Variants in ISM1 observed in about 807,000 individuals in gnomAD.
The protein encoded by ISM1 is isthmin-1.
ISM1 carries 25 observed loss-of-function variants against 46.3 expected under a neutral mutation model. The ratio of observed to expected loss-of-function variants is 0.54; its 90% CI spans 0.39 to 0.75. ISM1 has a LOEUF of 0.75. Ranked by LOEUF, ISM1 falls within the 30% of genes least tolerant of loss-of-function variation. The pLI is 0.00. For synonymous variants in ISM1, 255 were observed against 256.7 expected (o/e 0.99, Z 0.06); for missense variants, 536 against 625.4 (o/e 0.86, Z 1.52).
chr20:13,232,182 T>C (rs78494142), intron 1 of ISM1, among the ~76,000 whole-genome samples: 3,012 of 152,264 alleles, frequency 0.02, 44 homozygotes, highest in Non-Finnish European at 0.022. Context: ...TGAAGTGCAA[T>C]TGACAACTAA....
intron 2 of ISM1, among the ~76,000 whole-genome samples, chr20:13,277,173 T>C (rs978833648): frequency 1.3e-5 from 2 of 152,280 alleles, no homozygotes; most frequent in South Asian, 2.1e-4. Context: ...CGGTAATAGC[T>C]TGAAACATGA....
At chr20:13,261,832 C>T (rs937237676) in intron 1 of ISM1, among the ~76,000 whole-genome samples, 1 of 152,192 alleles carries the variant, frequency 6.6e-6, no homozygotes, top group Non-Finnish European at 1.5e-5. Flanking sequence ...CTACCCCAGA[C>T]CTCAGCTTCT....
intron 3 of ISM1, among the ~76,000 whole-genome samples, chr20:13,286,639 C>A (rs576886121): frequency 6.6e-6 from 1 of 152,174 alleles, no homozygotes; most frequent in Non-Finnish European, 1.5e-5. Flanking sequence ...GAGGAGGACA[C>A]AACCATGAAA....
chr20:13,262,314 T>TAGA (rs1462507717), intron 1 of ISM1, among the ~76,000 whole-genome samples: 9 of 152,326 alleles, frequency 5.9e-5, no homozygotes, highest in Admixed American at 2.0e-4. Context: ...GGAAGGCTGA[T>TAGA]AGAAAGCCTT....
the ISM1 span, among the ~76,000 whole-genome samples, chr20:13,320,046 C>T: frequency 3.3e-5 from 5 of 152,174 alleles, no homozygotes; most frequent in Admixed American, 6.5e-5. Context: ...GACCCAACAC[C>T]CCAAAGTCAG....
intron 5 of ISM1, among the ~76,000 whole-genome samples, chr20:13,293,018 A>G (rs2040369323): frequency 6.6e-6 from 1 of 151,860 alleles, no homozygotes; most frequent in Non-Finnish European, 1.5e-5. Context: ...AACATGGTGA[A>G]ACCCCCCCGT....
intron 1 of ISM1, among the ~76,000 whole-genome samples, chr20:13,233,595 CAAAAAAAAAA>C (rs1183584907): frequency 1.6e-5 from 1 of 63,734 alleles, no homozygotes; most frequent in Non-Finnish European, 3.1e-5. Flanking sequence ...AACTCCATCT[CAAAAAAAAAA>C]AAAAAAAAAG....
chr20:13,321,869 G>A, the ISM1 span, among the ~76,000 whole-genome samples: 1 of 152,206 alleles, frequency 6.6e-6, no homozygotes, highest in Non-Finnish European at 1.5e-5. Context: ...GACTGCTCAG[G>A]TTTGACTCCC....
chr20:13,298,779 G>A lies in ISM1; in HGVS notation c.878-163G>A, dbSNP rs368477696. 3.3e-5 allele frequency among the ~76,000 whole-genome samples: 5 copies of A among 152,136 alleles called. No homozygotes were observed. The East Asian group carries it at 5.8e-4, about 18-fold the overall frequency. Reference sequence around the variant, plus strand: ...TTCTGATGGTGCCAGGGGGCTGCAGGGGTGTCTGGCTCTAGGACAGGAGTT... The same window carrying A: ...TTCTGATGGTGCCAGGGGGCTGCAGAGGTGTCTGGCTCTAGGACAGGAGTT... On this transcript the variant is annotated intron_variant, in intron 5 of 5. Coordinates refer to ENST00000262487, the MANE Select transcript of ISM1 (RefSeq NM_080826.2).
At chr20:13,229,257 T>C (rs2039562901) in intron 1 of ISM1, among the ~76,000 whole-genome samples, 1 of 152,194 alleles carries the variant, frequency 6.6e-6, no homozygotes, top group Non-Finnish European at 1.5e-5. Context: ...TATGCCTATA[T>C]AGTTACCACC....
intron 1 of ISM1, among the ~76,000 whole-genome samples, chr20:13,231,367 G>A (rs2039586106): frequency 6.6e-6 from 1 of 152,182 alleles, no homozygotes; most frequent in South Asian, 2.1e-4. Flanking sequence ...TACAGAGATG[G>A]GCTGCAAAGG....
intron 1 of ISM1, among the ~76,000 whole-genome samples, chr20:13,248,984 GTTTATC>G (rs1184622774): frequency 1.3e-5 from 2 of 152,208 alleles, no homozygotes; most frequent in Non-Finnish European, 2.9e-5. Context: ...AGAAAAAGCT[GTTTATC>G]TTTAGGTAAG....
chr20:13,230,052 A>G (rs1193139984), intron 1 of ISM1, among the ~76,000 whole-genome samples: 2 of 152,132 alleles, frequency 1.3e-5, no homozygotes, highest in Admixed American at 1.3e-4. Context: ...TCCTTCATTT[A>G]TTCACTTCTA....
chr20:13,262,343 A>T (rs1281462702), intron 1 of ISM1, among the ~76,000 whole-genome samples: 6 of 152,200 alleles, frequency 3.9e-5, no homozygotes, highest in African/African-American at 1.2e-4. Flanking sequence ...CTGGATGCTG[A>T]GGATGGCTGG....
intron 1 of ISM1, among the ~76,000 whole-genome samples, chr20:13,257,169 T>C (rs1010559164): frequency 2.6e-5 from 4 of 152,334 alleles, no homozygotes; most frequent in Non-Finnish European, 4.4e-5. Flanking sequence ...TTTTCCTGTA[T>C]GTCTTATTGG....
intron 1 of ISM1, among the ~76,000 whole-genome samples, chr20:13,259,849 T>C (rs2039969016): frequency 1.3e-5 from 2 of 152,240 alleles, no homozygotes; most frequent in African/African-American, 4.8e-5. Context: ...TACTAAGTGA[T>C]AAACTTGCAG....
At chr20:13,307,430 A>C in the ISM1 span, among the ~76,000 whole-genome samples, 1 of 152,214 alleles carries the variant, frequency 6.6e-6, no homozygotes, top group African/African-American at 2.4e-5. Context: ...CTCATGAAGG[A>C]GCTCTCTGGG....
intron 1 of ISM1, among the ~76,000 whole-genome samples, chr20:13,251,601 G>T (rs575650119): frequency 6.6e-6 from 1 of 152,292 alleles, no homozygotes; most frequent in South Asian, 2.1e-4. Context: ...TATGTGGGAG[G>T]TAGAGATCAT....
intron 4 of ISM1, 122 bp from the exon 5 acceptor site, chr20:13,292,252 C>T (rs989656023): frequency 1.6e-6 from 1 of 640,554 alleles, no homozygotes; most frequent in Non-Finnish European, 2.8e-6. Context: ...AAGTTTCTGC[C>T]CGTGAGTAGT....
Sources: gnomAD v4.1 joint callset for allele counts (sites outside exome capture counted in the v4.1 genomes callset) on GRCh38, gnomAD v4.1.1 for gene constraint, MANE v1.5 for transcripts, NCBI Gene and HGNC (gene_info 2026-07-23, HGNC 2026-07-21) for gene names.